Variants in KCNIP4 observed in about 807,000 individuals in gnomAD.
The protein encoded by KCNIP4 is Kv channel-interacting protein 4.
A neutral mutation model predicts 34.0 loss-of-function variants in KCNIP4; 12 were observed. That is an observed-to-expected ratio of 0.35 (90% CI 0.23 to 0.57). The LOEUF (loss-of-function observed/expected upper bound fraction) is 0.57, where lower values mean the gene tolerates loss of function less well. KCNIP4 is among the 20% of genes least tolerant of loss of function. KCNIP4 has a pLI of 0.83. For synonymous variants in KCNIP4, 124 were observed against 102.2 expected (o/e 1.21, Z -1.29); for missense variants, 238 against 311.7 (o/e 0.76, Z 1.78).
chr4:20,879,269 A>G (rs1420996701), intron 2 of KCNIP4, among the ~76,000 whole-genome samples: 2 of 152,094 alleles, frequency 1.3e-5, no homozygotes, highest in African/African-American at 4.8e-5. Flanking sequence ...AAGACATTCT[A>G]AGGCCTAAAT....
At chr4:21,928,108 C>CTATATATATATATA (rs144162392) in intron 1 of KCNIP4, among the ~76,000 whole-genome samples, 4 of 142,756 alleles carry the variant, frequency 2.8e-5, no homozygotes, top group African/African-American at 7.6e-5. Context: ...CCAGATTAGA[C>CTATATATATATATA]TATATATATA....
intron 1 of KCNIP4, among the ~76,000 whole-genome samples, chr4:21,369,428 A>G (rs565373229): frequency 1.5e-4 from 22 of 147,106 alleles, no homozygotes; most frequent in Non-Finnish European, 2.4e-4. Context: ...GGATAAGGGA[A>G]TCAAGAATAC....
intron 1 of KCNIP4, among the ~76,000 whole-genome samples, chr4:21,230,542 A>G (rs1368240470): frequency 6.6e-6 from 1 of 151,862 alleles, no homozygotes; most frequent in Non-Finnish European, 1.5e-5. Context: ...GGGGGAAGGG[A>G]GCATGTTGTT....
chr4:21,796,928 C>T (rs1185391096), intron 1 of KCNIP4, among the ~76,000 whole-genome samples: 1 of 152,150 alleles, frequency 6.6e-6, no homozygotes, highest in South Asian at 2.1e-4. Context: ...GCCTAGCATG[C>T]TCCCTTTATA....
intron 1 of KCNIP4, among the ~76,000 whole-genome samples, chr4:21,464,257 T>C (rs1468646938): frequency 6.6e-6 from 1 of 152,024 alleles, no homozygotes; most frequent in Non-Finnish European, 1.5e-5. Context: ...TTGCATTTAG[T>C]TTGCTCTTCT....
At chr4:21,489,554 T>C (rs1732201895) in intron 1 of KCNIP4, among the ~76,000 whole-genome samples, 1 of 152,146 alleles carries the variant, frequency 6.6e-6, no homozygotes, top group African/African-American at 2.4e-5. Context: ...TAGCATCTTT[T>C]ATCTTTATTT....
intron 8 of KCNIP4, 32 bp downstream of exon 8, chr4:20,731,974 G>T (rs1164571995): frequency 6.2e-7 from 1 of 1,611,526 alleles, no homozygotes; most frequent in Admixed American, 1.7e-5. Context: ...TATGATAGCT[G>T]AATTGATAGT....
At chr4:21,130,931 C>G (rs1008531972) in intron 1 of KCNIP4, among the ~76,000 whole-genome samples, 1 of 152,112 alleles carries the variant, frequency 6.6e-6, no homozygotes, top group African/African-American at 2.4e-5. Flanking sequence ...CCCTCTAAAC[C>G]CTTTTTAAAC....
At chr4:21,886,350 C>T (rs969759023) in intron 1 of KCNIP4, among the ~76,000 whole-genome samples, 4 of 152,054 alleles carry the variant, frequency 2.6e-5, no homozygotes, top group African/African-American at 9.7e-5. Context: ...AATGTTTTTG[C>T]CCAACACAAG....
intron 1 of KCNIP4, among the ~76,000 whole-genome samples, chr4:21,732,929 A>C (rs1715713680): frequency 6.6e-6 from 1 of 152,196 alleles, no homozygotes; most frequent in Non-Finnish European, 1.5e-5. Context: ...ATATAATTTC[A>C]CCTAACCAAA....
chr4:20,942,357 C>G (rs1401413391), intron 1 of KCNIP4, among the ~76,000 whole-genome samples: 12 of 152,200 alleles, frequency 7.9e-5, no homozygotes, highest in Admixed American at 7.9e-4. Context: ...CAGCCCAGGT[C>G]TCTCAGCTAG....
intron 1 of KCNIP4, among the ~76,000 whole-genome samples, chr4:21,820,283 GTGTATATATATATATATATATATATA>G (rs1318233759): frequency 4.7e-5 from 6 of 127,504 alleles, no homozygotes; most frequent in African/African-American, 6.8e-5. Flanking sequence ...ATGTGTGTGT[GTGTATATATATATATATATATATATA>G]TATATATATA....
At chr4:21,942,853 G>C (rs1730280492) in intron 1 of KCNIP4, among the ~76,000 whole-genome samples, 1 of 152,168 alleles carries the variant, frequency 6.6e-6, no homozygotes, top group South Asian at 2.1e-4. Context: ...TGCCTCCTGG[G>C]TTCAAGCGAT....
In KCNIP4 at chr4:21,785,644, C is replaced by T. The variant is rs562883604; in HGVS notation, c.61+162927G>A. ...TAAAAAAATAACCATGAGCTATTAT[C>T]CCCAATCCTCCCTTTACCCAGCCCT... On this transcript the variant is annotated intron_variant, in intron 1 of 8. Coordinates refer to ENST00000382152, the MANE Select transcript of KCNIP4 (RefSeq NM_025221.6). 7.8e-5 allele frequency among the ~76,000 whole-genome samples: 11 copies of T among 140,940 alleles called. No homozygotes were observed. The East Asian group carries it at 1.9e-3, about 25-fold the overall frequency. The allele number at this position is 140,940 out of a possible 152,430, so 92.5% of individuals were successfully genotyped here. A position where few individuals can be genotyped will look rare whatever the true frequency, so the allele number is the denominator to read the frequency against.
intron 1 of KCNIP4, among the ~76,000 whole-genome samples, chr4:21,872,790 T>G (rs529369817): frequency 6.6e-6 from 1 of 152,322 alleles, no homozygotes; most frequent in South Asian, 2.1e-4. Flanking sequence ...ATTGTTAAAA[T>G]TGTCCTGAGG....
rs111714016 is a variant in KCNIP4, at chr4:21,356,963, A to G, written c.62-474254T>C. On this transcript the variant is annotated intron_variant, in intron 1 of 8. Transcript: ENST00000382152. ...AAAACAGCATGGTACTGGTACCAAA[A>G]CAGATATATAGACCAATGGAACAGA... 3.3e-5 allele frequency among the ~76,000 whole-genome samples: 5 copies of G among 152,338 alleles called. 1 individual carries two copies. Among genetic ancestry groups the G allele is most frequent in the African/African-American group, 1.2e-4 (5 of 41,578 alleles).
At chr4:21,519,801 G>A (rs181933367) in intron 1 of KCNIP4, among the ~76,000 whole-genome samples, 48 of 134,496 alleles carry the variant, frequency 3.6e-4, no homozygotes, top group African/African-American at 1.2e-3. Context: ...GTGTATACAC[G>A]TGTGTGTATG....
At chr4:21,118,724 C>A (rs538573467) in intron 1 of KCNIP4, among the ~76,000 whole-genome samples, 1 of 152,092 alleles carries the variant, frequency 6.6e-6, no homozygotes, top group Admixed American at 6.5e-5. Flanking sequence ...AGCAGGTGAA[C>A]CTTCTCATAT....
At chr4:21,383,521 G>GTGGA (rs1721729171) in intron 1 of KCNIP4, among the ~76,000 whole-genome samples, 1 of 151,456 alleles carries the variant, frequency 6.6e-6, no homozygotes, top group Non-Finnish European at 1.5e-5. Flanking sequence ...AAAAAAGAGG[G>GTGGA]TGGAAGAGTT....
Sources: allele counts gnomAD v4.1 joint callset (sites outside exome capture counted in the v4.1 genomes callset), GRCh38; gene constraint gnomAD v4.1.1; transcripts MANE v1.5; gene names NCBI Gene and HGNC (gene_info 2026-07-23, HGNC 2026-07-21).